Variants in MBTPS2 observed in about 807,000 individuals in gnomAD.
MBTPS2 encodes the protein membrane-bound transcription factor site-2 protease.
MBTPS2 carries 2 observed loss-of-function variants against 35.4 expected under a neutral mutation model. The ratio of observed to expected loss-of-function variants is 0.06; its 90% CI spans 0.02 to 0.18. MBTPS2 has a LOEUF of 0.18. Ranked by LOEUF, MBTPS2 falls within the 10% of genes least tolerant of loss-of-function variation. MBTPS2 has a pLI of 1.00. For missense variants in MBTPS2, 244 were observed against 386.5 expected (o/e 0.63, Z 3.09); for synonymous variants, 125 against 140.4 (o/e 0.89, Z 0.77).
In MBTPS2 at chrX:21,856,787, G is replaced by A. The variant is rs751090496; in HGVS notation, c.670+3284G>A. 16 of 1,210,033 alleles carry A rather than the reference G, an allele frequency of 1.3e-5. No homozygotes were observed. The South Asian group carries it at 2.5e-4, about 19-fold the overall frequency. On this transcript the variant is annotated intron_variant, in intron 5 of 10. Coordinates refer to ENST00000379484, the MANE Select transcript of MBTPS2 (RefSeq NM_015884.4). The stretch of plus-strand genomic sequence containing the variant: ...CAGACAACCAGCTAGGCAACGACTT[G>A]GAGGACCAGTTGGCCCTCCCGGATA...
intron 5 of MBTPS2, among the ~76,000 whole-genome samples, chrX:21,864,880 C>CTTTTT (rs201224155): frequency 6.8e-5 from 6 of 88,520 alleles, no homozygotes; most frequent in African/African-American, 1.2e-4. Flanking sequence ...TTCTTTCTTT[C>CTTTTT]TTTTTTTTTT....
chrX:21,863,583 A>T (rs950573875), intron 5 of MBTPS2, among the ~76,000 whole-genome samples: 1 of 111,618 alleles, frequency 9.0e-6, no homozygotes, highest in Non-Finnish European at 1.9e-5. Flanking sequence ...CCAATTGAAC[A>T]TTTTTAAATT....
chrX:21,873,407 G>T (rs1303187813), intron 7 of MBTPS2, among the ~76,000 whole-genome samples: 1 of 112,167 alleles, frequency 8.9e-6, no homozygotes, highest in African/African-American at 3.2e-5. Context: ...TAACTAGTAT[G>T]GCTCTTTTGG....
chrX:21,843,165 C>T lies in MBTPS2; in HGVS notation c.76-5C>T. On this transcript the variant is annotated splice_polypyrimidine_tract_variant and splice_region_variant and intron_variant, in intron 1 of 10. Coordinates refer to ENST00000379484, the MANE Select transcript of MBTPS2 (RefSeq NM_015884.4). ...AGTGATGTAGAACTTTTCTTTCTCT[C>T]TTAGTCATCTGTCTATTTTAAACAT... 3 of 1,204,727 alleles carry T rather than the reference C, an allele frequency of 2.5e-6. No individual in the cohort carries two copies. Among genetic ancestry groups the T allele is most frequent in the South Asian group, 1.8e-5 (1 of 56,825 alleles).
chrX:21,868,433 G>A (rs757045805), intron 5 of MBTPS2, 34 bp from the exon 6 acceptor site: 1 of 912,952 alleles, frequency 1.1e-6, no homozygotes, highest in Non-Finnish European at 1.6e-6. Flanking sequence ...CCTGCCCCCG[G>A]TTGAGCTTAT....
intron 4 of MBTPS2, among the ~76,000 whole-genome samples, chrX:21,852,571 C>T (rs752639828): frequency 1.8e-5 from 2 of 109,099 alleles, no homozygotes; most frequent in African/African-American, 6.7e-5. Context: ...ATAGACACAT[C>T]GTTAATAACA....
chrX:21,862,933 C>CATATATATATATATAT (rs542223686), intron 5 of MBTPS2, among the ~76,000 whole-genome samples: 780 of 27,570 alleles, frequency 0.028, 101 homozygotes, highest in East Asian at 0.06. Context: ...TATATATAAA[C>CATATATATATATATAT]ATATATATAT....
chrX:21,842,864 T>A (rs2147427753), intron 1 of MBTPS2, among the ~76,000 whole-genome samples: 1 of 111,609 alleles, frequency 9.0e-6, no homozygotes, highest in Admixed American at 9.6e-5. Context: ...CGCATATTTT[T>A]GGTTTTTATT....
intron 7 of MBTPS2, chrX:21,872,974 T>G (rs1271294769): frequency 9.0e-6 from 1 of 110,704 alleles, no homozygotes. Flanking sequence ...TATTACAGAG[T>G]GTCCAATGAT....
Position 21,839,770 on chromosome X carries a change from T to C in MBTPS2, c.36T>C (p.Gly12=), listed in dbSNP as rs931380670. Residue 12 remains glycine, a synonymous_variant, in exon 1 of 11, where the codon GGT becomes GGC. Coordinates refer to ENST00000379484, the MANE Select transcript of MBTPS2 (RefSeq NM_015884.4). The stretch of plus-strand genomic sequence containing the variant: ...TGTCGCTGGTGGTGGTGGTGGTGGG[T>C]GGCTGGACTGTCGTCTACCTGACCG... ...IPVSLVVVVV[G]GWTVVYLTDL... is the part of the protein sequence containing the mutation. 7 of 1,192,737 alleles carry C rather than the reference T, an allele frequency of 5.9e-6. No individual in the cohort carries two copies. In the African/African-American group the frequency reaches 1.1e-4, roughly 18 times the overall value.
chrX:21,881,393 C>T (rs1178034557), intron 10 of MBTPS2, among the ~76,000 whole-genome samples: 8 of 111,285 alleles, frequency 7.2e-5, no homozygotes, highest in African/African-American at 1.3e-4. Flanking sequence ...CAAGAAAGAT[C>T]GAGCTGGTTT....
Position 21,857,530 on chromosome X carries a change from A to G in MBTPS2, c.670+4027A>G, listed in dbSNP as rs149941101. 1.3e-4 allele frequency: 153 copies of G among 1,210,487 alleles called. No homozygotes were observed. Among genetic ancestry groups the G allele is most frequent in the African/African-American group, 5.4e-4 (31 of 57,286 alleles). On this transcript the variant is annotated intron_variant, in intron 5 of 10. Transcript: ENST00000379484. ...TTCGTGTGCCCCTTCGATGTTTGCA[A>G]CAGGAAGTTCGCTCAGTCAACCAAC...
chrX:21,874,334 T>A (rs1438206020), intron 7 of MBTPS2, among the ~76,000 whole-genome samples: 1 of 110,106 alleles, frequency 9.1e-6, no homozygotes, highest in Non-Finnish European at 1.9e-5. Flanking sequence ...CTCGTGTGTG[T>A]GTGTGTGTTT....
chrX:21,840,264 T>C (rs190693796), intron 1 of MBTPS2, among the ~76,000 whole-genome samples: 2 of 112,879 alleles, frequency 1.8e-5, no homozygotes, highest in East Asian at 5.6e-4. Flanking sequence ...TTTAAATGCA[T>C]ATGATCATCT....
At chrX:21,854,905 G>T (rs990910869) in intron 5 of MBTPS2, among the ~76,000 whole-genome samples, 5 of 111,551 alleles carry the variant, frequency 4.5e-5, no homozygotes, top group African/African-American at 6.5e-5. Flanking sequence ...TCACACCTTG[G>T]ATCAATTTAA....
At chrX:21,867,034 AAAAAAG>A (rs1312582050) in intron 5 of MBTPS2, among the ~76,000 whole-genome samples, 3 of 42,195 alleles carry the variant, frequency 7.1e-5, no homozygotes, top group Admixed American at 3.4e-4. Flanking sequence ...AAAAAAAAGA[AAAAAAG>A]AAAAAAAATC....
chrX:21,860,880 A>C (rs2092930583), intron 5 of MBTPS2, among the ~76,000 whole-genome samples: 1 of 112,343 alleles, frequency 8.9e-6, no homozygotes, highest in South Asian at 3.7e-4. Context: ...ACAAGAAAAC[A>C]CAAGTGAATA....
intron 5 of MBTPS2, among the ~76,000 whole-genome samples, chrX:21,861,239 G>A (rs910894363): frequency 8.9e-6 from 1 of 111,775 alleles, no homozygotes; most frequent in Non-Finnish European, 1.9e-5. Context: ...TCAATTATGA[G>A]AGTATAAATT....
intron 1 of MBTPS2, 125 bp downstream of exon 1, chrX:21,839,934 G>C (rs1223378045): frequency 3.1e-6 from 2 of 651,642 alleles, no homozygotes; most frequent in Non-Finnish European, 4.9e-6. Context: ...AGTCCGCGTG[G>C]TGGATCGGCC....
Sources: allele counts gnomAD v4.1 joint callset (sites outside exome capture counted in the v4.1 genomes callset), GRCh38; gene constraint gnomAD v4.1.1; transcripts MANE v1.5; gene names NCBI Gene and HGNC (gene_info 2026-07-23, HGNC 2026-07-21).